The following ITGA6 variants were observed in gnomAD, a reference collection of about 807,000 sequenced individuals.
The protein encoded by ITGA6 is integrin alpha-6.
Under a neutral mutation model 133.6 loss-of-function variants are expected in ITGA6, and 63 were observed. The ratio of observed to expected loss-of-function variants is 0.47; its 90% CI spans 0.38 to 0.58. The LOEUF is 0.58. ITGA6 is among the 20% of genes least tolerant of loss of function. The pLI is 0.00. For missense variants in ITGA6, 1,068 were observed against 1,309.4 expected (o/e 0.82, Z 2.85); for synonymous variants, 434 against 482.0 (o/e 0.90, Z 1.30).
At chr2:172,483,173 C>G (rs938274554) in intron 11 of ITGA6, among the ~76,000 whole-genome samples, 20 of 152,044 alleles carry the variant, frequency 1.3e-4, no homozygotes, top group Non-Finnish European at 2.2e-4. Flanking sequence ...GAGGGCTTAG[C>G]CAAGCAGGCC....
intron 1 of ITGA6, 147 bp from the exon 2 acceptor site, chr2:172,465,392 C>G: frequency 1.1e-6 from 1 of 950,720 alleles, no homozygotes; most frequent in Non-Finnish European, 1.7e-6. Flanking sequence ...TAGGACTCTA[C>G]ATTTGTTCTC....
chr2:172,485,493 T>C (rs1435842868), intron 13 of ITGA6, among the ~76,000 whole-genome samples: 1 of 152,236 alleles, frequency 6.6e-6, no homozygotes. Context: ...TCTTCATTTT[T>C]GGCCATTATA....
intron 9 of ITGA6, among the ~76,000 whole-genome samples, chr2:172,477,691 T>C (rs1686236703): frequency 6.6e-6 from 1 of 152,212 alleles, no homozygotes; most frequent in South Asian, 2.1e-4. Context: ...TTGTTCCCTC[T>C]TTACTTGCAG....
intron 1 of ITGA6, chr2:172,465,155 TCCATTGTCACAAGTA>T: frequency 1.4e-5 from 4 of 289,682 alleles, no homozygotes; most frequent in Non-Finnish European, 2.0e-5. Flanking sequence ...ATTTTTTCCT[TCCATTGTCACAAGTA>T]TTTGGTTTCT....
Position 172,491,662 on chromosome 2 carries a change from G to T in ITGA6, c.2988+139G>T, listed in dbSNP as rs1686934924. 9 of 699,226 alleles carry T rather than the reference G, an allele frequency of 1.3e-5. No homozygotes were observed. The highest frequency in any genetic ancestry group is 9.1e-5 in the South Asian group (6 of 66,104). 43.3% of individuals were successfully genotyped at this position (699,226 alleles called of 1,614,324 possible). On this transcript the variant is annotated intron_variant, in intron 23 of 25. Transcript: ENST00000684293. This position sits in a 1 kb window ranked among gnomAD's most constrained non-coding sequence, Gnocchi z 4.4. ...CGGAGAAAACTGTCTTAAGGTACTGGCACTGCAAGCTGTATTTTAATAGAA... is the reference window on the plus strand; with the variant it reads ...CGGAGAAAACTGTCTTAAGGTACTGTCACTGCAAGCTGTATTTTAATAGAA...
At chr2:172,499,375 T>TA (rs963118348) in intron 24 of ITGA6, among the ~76,000 whole-genome samples, 1 of 151,800 alleles carries the variant, frequency 6.6e-6, no homozygotes, top group African/African-American at 2.4e-5. Flanking sequence ...AAAAAAAATT[T>TA]TTTTTGAGAC....
chr2:172,478,854 G>T (rs957044552), intron 9 of ITGA6, among the ~76,000 whole-genome samples: 1 of 152,200 alleles, frequency 6.6e-6, no homozygotes, highest in African/African-American at 2.4e-5. Context: ...TTGTACAATG[G>T]AGACTCCCAA....
intron 1 of ITGA6, among the ~76,000 whole-genome samples, chr2:172,458,435 G>C (rs1291025334): frequency 6.6e-6 from 1 of 151,870 alleles, no homozygotes; most frequent in Non-Finnish European, 1.5e-5. Flanking sequence ...AGTAGATTAG[G>C]CCAAGTCATG....
rs1684511352 is a variant in ITGA6 at position 172,440,960 on chromosome 2, C to T, written c.182+12990C>T. On this transcript the variant is annotated intron_variant, in intron 1 of 25. Transcript: ENST00000684293. The stretch of plus-strand genomic sequence containing the variant: ...GTTTGAAAGGAAGTGCCTGTTTGTT[C>T]AGGGAACACCAATTGGACTAACAGC... Among the ~76,000 whole-genome samples, 3 of 152,148 alleles carry T rather than the reference C, an allele frequency of 2.0e-5. 1 individual carries two copies. In the South Asian group the frequency reaches 6.2e-4, roughly 31 times the overall value.
chr2:172,460,022 G>A (rs1297972550), intron 1 of ITGA6, among the ~76,000 whole-genome samples: 1 of 152,186 alleles, frequency 6.6e-6, no homozygotes, highest in East Asian at 1.9e-4. Flanking sequence ...CAAGAGTCAT[G>A]GTCCAAATGT....
chr2:172,480,568 C>G (rs1367012997), intron 11 of ITGA6, among the ~76,000 whole-genome samples: 1 of 152,078 alleles, frequency 6.6e-6, no homozygotes. Flanking sequence ...GCAAGCCGGC[C>G]CTGAGAGGTC....
At chr2:172,485,586 G>A (rs998187812) in intron 13 of ITGA6, among the ~76,000 whole-genome samples, 3 of 152,164 alleles carry the variant, frequency 2.0e-5, no homozygotes, top group Non-Finnish European at 4.4e-5. Context: ...AATACATTGT[G>A]TTTTACTTAC....
chr2:172,435,690 G>A (rs192850350), intron 1 of ITGA6, among the ~76,000 whole-genome samples: 81 of 142,550 alleles, frequency 5.7e-4, no homozygotes, highest in Admixed American at 4.7e-3. Context: ...GTAGCGATGC[G>A]ATTTCAGCTC....
rs1686910774 is a variant in ITGA6, at chr2:172,491,215, C to G, written c.2779-6C>G. The G allele has an allele frequency of 6.3e-7, 1 of 1,588,262 alleles. No individual in the cohort carries two copies. Among genetic ancestry groups the G allele is most frequent in the Non-Finnish European group, 8.6e-7 (1 of 1,156,586 alleles). On this transcript the variant is annotated splice_polypyrimidine_tract_variant and splice_region_variant and intron_variant, in intron 21 of 25. Coordinates refer to ENST00000684293, the MANE Select transcript of ITGA6 (RefSeq NM_000210.4). This position sits in a 1 kb window ranked among gnomAD's most constrained non-coding sequence, Gnocchi z 4.4. ...TTTTGATGACCATTCTTCTTTTTCTCTCTAGAACTGTAGCGTGAACGTGAA... is the reference window on the plus strand; with the variant it reads ...TTTTGATGACCATTCTTCTTTTTCTGTCTAGAACTGTAGCGTGAACGTGAA...
intron 19 of ITGA6, 34 bp downstream of exon 19, chr2:172,488,262 A>G: frequency 7.7e-7 from 1 of 1,304,148 alleles, no homozygotes; most frequent in Non-Finnish European, 1.1e-6. Flanking sequence ...TCATTATACC[A>G]AAAGCTGACA....
rs201712079 is a variant in ITGA6 at position 172,465,680 on chromosome 2, C to T, written c.307+17C>T. The T allele has an allele frequency of 3.7e-6, 6 of 1,614,000 alleles. No individual in the cohort carries two copies. The highest frequency in any genetic ancestry group is 1.3e-5 in the African/African-American group (1 of 74,948). On this transcript the variant is annotated intron_variant, in intron 2 of 25. Coordinates refer to ENST00000684293, the MANE Select transcript of ITGA6 (RefSeq NM_000210.4). The stretch of plus-strand genomic sequence containing the variant: ...ATAACGATGGTGCGTTCCTTTCCCT[C>T]ACTCAGCGTTCACTCCGGCAGCTTG...
In ITGA6 at chr2:172,465,608, C is replaced by T. The variant is rs568212624; in HGVS notation, c.252C>T (p.Tyr84=). The change falls in exon 2 of 26, where the codon TAC becomes TAT. Residue 84 remains tyrosine, a synonymous_variant. Transcript: ENST00000684293. ...GAGCCAACAGAACGGGAGGGCTGTA[C>T]AGCTGCGACATCACCGCCCGGGGGC... ...LQRANRTGGL[Y]SCDITARGPC... 3.7e-6 allele frequency: 6 copies of T among 1,614,250 alleles called. No homozygotes were observed. Among genetic ancestry groups the T allele is most frequent in the South Asian group, 1.1e-5 (1 of 91,092 alleles).
intron 1 of ITGA6, among the ~76,000 whole-genome samples, chr2:172,435,168 C>T (rs563413641): frequency 4.6e-5 from 7 of 152,262 alleles, no homozygotes; most frequent in Admixed American, 2.6e-4. Flanking sequence ...AGGAGCCCTT[C>T]TCTTCAGGAT....
intron 1 of ITGA6, among the ~76,000 whole-genome samples, chr2:172,458,050 C>T (rs1685284913): frequency 6.6e-6 from 1 of 151,942 alleles, no homozygotes; most frequent in Non-Finnish European, 1.5e-5. Flanking sequence ...AAGGACCACA[C>T]AGGGGTCCAC....
Sources: gnomAD v4.1 joint callset for allele counts (sites outside exome capture counted in the v4.1 genomes callset) on GRCh38, gnomAD v4.1.1 for gene constraint, Gnocchi (gnomAD v3.1) non-coding constraint, MANE v1.5 for transcripts, NCBI Gene and HGNC (gene_info 2026-07-23, HGNC 2026-07-21) for gene names.